PCCA: variants seen among roughly 807,000 people sequenced by gnomAD.
PCCA encodes propionyl-CoA carboxylase alpha chain, mitochondrial.
In PCCA, 74 loss-of-function variants were observed where a neutral mutation model predicts 101.3. The observed-to-expected ratio is 0.73, with a 90% CI of 0.61 to 0.89. PCCA has a LOEUF of 0.89. Among genes scored for constraint, PCCA ranks in the 40% least tolerant of loss-of-function variants. The pLI, the probability that PCCA is intolerant of heterozygous loss-of-function variation, is 0.00. For missense variants in PCCA, 891 were observed against 907.0 expected, an observed-to-expected ratio of 0.98 and a Z score of 0.23; for synonymous variants, 294 against 313.6, an observed-to-expected ratio of 0.94 and a Z score of 0.66.
chr13:100,291,548 G>C (rs1244115507), intron 12 of PCCA, among the ~76,000 whole-genome samples: 1 of 152,186 alleles, frequency 6.6e-6, no homozygotes, highest in Non-Finnish European at 1.5e-5. Context: ...CACTTGGTCT[G>C]TGTAATCATT....
chr13:100,339,400 C>G (rs1011728004), intron 17 of PCCA, among the ~76,000 whole-genome samples: 1 of 152,144 alleles, frequency 6.6e-6, no homozygotes, highest in Non-Finnish European at 1.5e-5. Flanking sequence ...ATATGTAGTA[C>G]TCTGGTAAAT....
intron 21 of PCCA, among the ~76,000 whole-genome samples, chr13:100,458,681 A>G (rs2081972868): frequency 6.6e-6 from 1 of 152,166 alleles, no homozygotes; most frequent in Non-Finnish European, 1.5e-5. Context: ...TAAGATTGTT[A>G]GCCAGTTTTT....
intron 19 of PCCA, among the ~76,000 whole-genome samples, chr13:100,405,554 T>C (rs532930005): frequency 6.6e-6 from 1 of 152,334 alleles, no homozygotes; most frequent in African/African-American, 2.4e-5. Context: ...TTTGCCTGAA[T>C]ATTTGCATAA....
intron 7 of PCCA, among the ~76,000 whole-genome samples, chr13:100,231,639 A>G (rs926182483): frequency 2.0e-5 from 3 of 152,240 alleles, no homozygotes; most frequent in African/African-American, 7.2e-5. Flanking sequence ...GTATGAAATT[A>G]TGATTCTTAT....
chr13:100,259,715 C>T (rs2062348927), intron 9 of PCCA, among the ~76,000 whole-genome samples: 1 of 152,132 alleles, frequency 6.6e-6, no homozygotes, highest in Non-Finnish European at 1.5e-5. Flanking sequence ...CTCTGGCTTT[C>T]TTTTCCCTAT....
intron 16 of PCCA, among the ~76,000 whole-genome samples, chr13:100,318,011 A>G (rs897944158): frequency 3.3e-5 from 5 of 152,168 alleles, no homozygotes; most frequent in African/African-American, 1.2e-4. Context: ...ATTTTTCAGC[A>G]TATCTCCGCA....
chr13:100,381,729 G>T (rs1207417700), intron 19 of PCCA, among the ~76,000 whole-genome samples: 1 of 152,216 alleles, frequency 6.6e-6, no homozygotes, highest in Non-Finnish European at 1.5e-5. Flanking sequence ...CCTTGTGGGA[G>T]GGAGCACACG....
chr13:100,416,623 G>C (rs56249510), intron 19 of PCCA, among the ~76,000 whole-genome samples: 15,490 of 150,838 alleles, frequency 0.1, 2,590 homozygotes, highest in African/African-American at 0.35. Flanking sequence ...ACCTCCACCT[G>C]CCGGGTTCCA....
chr13:100,136,021 A>G (rs1172247700), intron 4 of PCCA, among the ~76,000 whole-genome samples: 1 of 151,672 alleles, frequency 6.6e-6, no homozygotes, highest in Non-Finnish European at 1.5e-5. Flanking sequence ...ATATTGCTGG[A>G]TTGGACTTCT....
chr13:100,128,703 C>A (rs1220252351), intron 4 of PCCA, among the ~76,000 whole-genome samples: 3 of 152,088 alleles, frequency 2.0e-5, no homozygotes, highest in African/African-American at 7.2e-5. Flanking sequence ...CATGTTAAGT[C>A]CAGTGGACAT....
intron 7 of PCCA, among the ~76,000 whole-genome samples, chr13:100,229,458 G>A (rs2060340385): frequency 6.6e-6 from 1 of 152,164 alleles, no homozygotes; most frequent in South Asian, 2.1e-4. Flanking sequence ...TGTACTTTAT[G>A]TTCTCAGCTC....
At chr13:100,137,782 C>G (rs1474774814) in intron 4 of PCCA, among the ~76,000 whole-genome samples, 1 of 149,252 alleles carries the variant, frequency 6.7e-6, no homozygotes, top group Non-Finnish European at 1.5e-5. Flanking sequence ...TTGACAATCT[C>G]TTTTAATTTG....
intron 21 of PCCA, among the ~76,000 whole-genome samples, chr13:100,498,694 T>G (rs955087822): frequency 6.6e-6 from 1 of 152,166 alleles, no homozygotes; most frequent in South Asian, 2.1e-4. Context: ...GCCTACTGTT[T>G]GCGTGTGACT....
chr13:100,227,000 C>CAT (rs1407596229), intron 7 of PCCA, among the ~76,000 whole-genome samples: 2 of 152,164 alleles, frequency 1.3e-5, no homozygotes, highest in African/African-American at 4.8e-5. Context: ...TCTGGCATAG[C>CAT]GCCTGTGTTC....
chr13:100,223,219 AG>A (rs2059926836), intron 7 of PCCA, among the ~76,000 whole-genome samples: 1 of 152,136 alleles, frequency 6.6e-6, no homozygotes, highest in East Asian at 1.9e-4. Flanking sequence ...AAGAGCTTAA[AG>A]CCTTCTGTGT....
At chr13:100,382,797 A>C (rs1433122216) in intron 19 of PCCA, among the ~76,000 whole-genome samples, 1 of 152,212 alleles carries the variant, frequency 6.6e-6, no homozygotes, top group Non-Finnish European at 1.5e-5. Context: ...GGGCTTGGAG[A>C]TATCCATGTA....
At chr13:100,307,343 G>A (rs1209314554) in intron 15 of PCCA, 83 bp downstream of exon 15, 1 of 922,476 alleles carries the variant, frequency 1.1e-6, no homozygotes, top group Non-Finnish European at 1.7e-6. Flanking sequence ...GCCTTTATCT[G>A]AATCATAAGC....
At chr13:100,113,203 C>G (rs550430444) in intron 4 of PCCA, among the ~76,000 whole-genome samples, 3 of 152,186 alleles carry the variant, frequency 2.0e-5, no homozygotes, top group Admixed American at 1.3e-4. Context: ...GTGCTACAAA[C>G]CTGTGCAGCA....
chr13:100,180,200 T>A (rs1391641514), intron 6 of PCCA, among the ~76,000 whole-genome samples: 3 of 152,218 alleles, frequency 2.0e-5, no homozygotes, highest in Non-Finnish European at 4.4e-5. Context: ...TGAAGAACTA[T>A]GTGATTAAGA....
Sources: allele counts gnomAD v4.1 joint callset (sites outside exome capture counted in the v4.1 genomes callset), GRCh38; gene constraint gnomAD v4.1.1; transcripts MANE v1.5; gene names NCBI Gene and HGNC (gene_info 2026-07-23, HGNC 2026-07-21).